Variants in PTCD3 observed in about 807,000 individuals in gnomAD.
The protein encoded by PTCD3 is pentatricopeptide repeat domain 3.
PTCD3 carries 89 observed loss-of-function variants against 101.9 expected under a neutral mutation model. The observed-to-expected ratio is 0.87, with a 90% CI of 0.74 to 1.04. The LOEUF (loss-of-function observed/expected upper bound fraction) is 1.04, where lower values mean the gene tolerates loss of function less well. PTCD3 is among the 50% of genes least tolerant of loss of function. PTCD3 has a pLI of 0.00. For missense variants in PTCD3, 870 were observed against 828.2 expected (o/e 1.05, Z -0.62); for synonymous variants, 296 against 278.5 (o/e 1.06, Z -0.63).
chr2:86,137,633 A>G lies in PTCD3; in HGVS notation c.*74A>G. ...CACACCTGAGAACTGAGATATACCAATATTTAACATTGTTACAAAGAAGAA... is the reference window on the plus strand; with the variant it reads ...CACACCTGAGAACTGAGATATACCAGTATTTAACATTGTTACAAAGAAGAA... On this transcript the variant is annotated 3_prime_UTR_variant, in exon 24 of 24. Coordinates refer to ENST00000254630, the MANE Select transcript of PTCD3 (RefSeq NM_017952.6). 1 of 1,586,920 alleles carries G rather than the reference A, an allele frequency of 6.3e-7. No homozygotes were observed. The highest frequency in any genetic ancestry group is 8.6e-7 in the Non-Finnish European group (1 of 1,165,872).
Position 86,111,138 on chromosome 2 carries a change from C to CT in PTCD3, c.222dup (p.Ala75CysfsTer18). 1 of 1,613,646 alleles carries CT rather than the reference C, an allele frequency of 6.2e-7. No individual in the cohort carries two copies. Among genetic ancestry groups the CT allele is most frequent in the Non-Finnish European group, 8.5e-7 (1 of 1,179,634 alleles). ...GGATAAAGTAGCCGTTCTTCAGGCA[C>CT]TTGCATCCACAGTAAACAGGGTAAG... On this transcript the variant is annotated frameshift_variant, in exon 4 of 24. Transcript: ENST00000254630. LOFTEE classifies it high-confidence loss of function.
intron 8 of PTCD3, among the ~76,000 whole-genome samples, chr2:86,122,600 C>T (rs1365686050): frequency 8.7e-6 from 1 of 114,532 alleles, no homozygotes; most frequent in Admixed American, 9.0e-5. Context: ...GTGGGGAGGG[C>T]GGGTAGACAT....
At chr2:86,135,064 G>C in intron 21 of PTCD3, 77 bp downstream of exon 21, 1 of 1,470,634 alleles carries the variant, frequency 6.8e-7, no homozygotes. Context: ...GCTGGTAGAG[G>C]TTCTTTCATT....
At chr2:86,114,061 T>C (rs756991674) in intron 4 of PTCD3, among the ~76,000 whole-genome samples, 3 of 152,002 alleles carry the variant, frequency 2.0e-5, no homozygotes, top group Non-Finnish European at 2.9e-5. Context: ...TCAAAGAAGT[T>C]ATAGAATTGT....
At chr2:86,107,317 T>C in intron 1 of PTCD3, 1 of 431,194 alleles carries the variant, frequency 2.3e-6, no homozygotes, top group South Asian at 1.7e-5. Context: ...AAACAAATAG[T>C]GTGACTTGAA....
rs756480444 is a variant in PTCD3, at chr2:86,108,415, A to C, written c.157+13A>C. 4.4e-6 allele frequency: 7 copies of C among 1,599,136 alleles called. No individual in the cohort carries two copies. The highest frequency in any genetic ancestry group is 6.0e-6 in the Non-Finnish European group (7 of 1,174,784). On this transcript the variant is annotated intron_variant, in intron 2 of 23. Transcript: ENST00000254630. Reference sequence around the variant, plus strand: ...ACTGATGTAACAGGTATATTTTAAAATATATTGAATTCTATTTTTATATCA... The same window carrying C: ...ACTGATGTAACAGGTATATTTTAAACTATATTGAATTCTATTTTTATATCA...
intron 4 of PTCD3, among the ~76,000 whole-genome samples, chr2:86,113,571 C>G (rs1158866650): frequency 1.3e-5 from 2 of 152,036 alleles, no homozygotes; most frequent in Non-Finnish European, 2.9e-5. Context: ...TTTGGGAGGT[C>G]AAGGCGGGTG....
chr2:86,136,721 T>G (rs974389043), intron 22 of PTCD3, 159 bp downstream of exon 22: 139 of 899,274 alleles, frequency 1.5e-4, no homozygotes, highest in Non-Finnish European at 2.4e-4. Context: ...AAGCAGTTTT[T>G]TATCTGTGTT....
intron 10 of PTCD3, 69 bp from the exon 11 acceptor site, chr2:86,125,385 TC>T: frequency 6.7e-7 from 1 of 1,487,200 alleles, no homozygotes; most frequent in Non-Finnish European, 9.4e-7. Flanking sequence ...ATTACCAAAC[TC>T]TAGGACAGAA....
chr2:86,123,568 C>T (rs1674332871), intron 8 of PTCD3, 133 bp from the exon 9 acceptor site: 4 of 639,900 alleles, frequency 6.3e-6, no homozygotes, highest in Non-Finnish European at 1.0e-5. Context: ...TGGGCTTCCT[C>T]TTTGCCTTCT....
rs1330726969 is a variant in PTCD3, at chr2:86,141,906, G to C, written c.*4347G>C. 1.3e-5 allele frequency: 2 copies of C among 152,240 alleles called. No individual in the cohort carries two copies. The highest frequency in any genetic ancestry group is 6.5e-5 in the Admixed American group (1 of 15,286). The allele number at this position is 152,240 out of a possible 1,614,324, so 9.4% of individuals were successfully genotyped here. On this transcript the variant is annotated 3_prime_UTR_variant, in exon 24 of 24. Coordinates refer to ENST00000254630, the MANE Select transcript of PTCD3 (RefSeq NM_017952.6). Reference sequence around the variant, plus strand: ...GGGACTCCATCATCTCCTTGAAGTAGCACTGAGAATCCAAGAAGAGGCTCC... The same window carrying C: ...GGGACTCCATCATCTCCTTGAAGTACCACTGAGAATCCAAGAAGAGGCTCC...
At position 86,128,011 on chromosome 2, in the gene PTCD3, G is replaced by T. The variant is rs371448309; in HGVS notation, c.1147+20G>T. ...AACCTGGTATGTATGGCCTTAAATT[G>T]TGTTAATTTATATAGAAAATTGACC... On this transcript the variant is annotated intron_variant, in intron 14 of 23. Coordinates refer to ENST00000254630, the MANE Select transcript of PTCD3 (RefSeq NM_017952.6). 25 of 1,565,770 alleles carry T rather than the reference G, an allele frequency of 1.6e-5. No individual in the cohort carries two copies. Among genetic ancestry groups the T allele is most frequent in the Non-Finnish European group, 1.9e-5 (22 of 1,137,276 alleles).
At chr2:86,131,383 G>A (rs1284204834) in intron 16 of PTCD3, among the ~76,000 whole-genome samples, 2 of 151,962 alleles carry the variant, frequency 1.3e-5, no homozygotes, top group Non-Finnish European at 1.5e-5. Context: ...ACAGGTGTGC[G>A]CCACCACACC....
intron 4 of PTCD3, among the ~76,000 whole-genome samples, chr2:86,111,600 AT>A (rs1674085244): frequency 6.6e-6 from 1 of 151,906 alleles, no homozygotes; most frequent in Admixed American, 6.6e-5. Context: ...AAAAAAAAAA[AT>A]TGTCTAATCC....
intron 4 of PTCD3, among the ~76,000 whole-genome samples, chr2:86,115,297 G>A (rs770867232): frequency 2.0e-5 from 3 of 152,112 alleles, no homozygotes; most frequent in African/African-American, 4.8e-5. Context: ...GGTTATTGTC[G>A]TCTTACAAGT....
At chr2:86,113,848 T>A (rs1211798349) in intron 4 of PTCD3, among the ~76,000 whole-genome samples, 2 of 152,128 alleles carry the variant, frequency 1.3e-5, no homozygotes, top group East Asian at 3.8e-4. Flanking sequence ...ATGGAGCTAC[T>A]AAAGATAGTG....
intron 14 of PTCD3, among the ~76,000 whole-genome samples, chr2:86,129,036 G>C (rs1674448305): frequency 6.6e-6 from 1 of 152,068 alleles, no homozygotes; most frequent in South Asian, 2.1e-4. Flanking sequence ...CTCTGGTTTG[G>C]AGGACTAATT....
rs1290720477 is a variant in PTCD3 at position 86,128,362 on chromosome 2, G to T, written c.1147+371G>T. Among the ~76,000 whole-genome samples the T allele has an allele frequency of 2.6e-5, 4 of 152,000 alleles. No homozygotes were observed. The South Asian group carries it at 8.3e-4, about 32-fold the overall frequency. ...TAAAACTTGAGCTGGAGGGGAGAGGGTTATGGATTGTACTGGCAGTGATGT... is the reference window on the plus strand; with the variant it reads ...TAAAACTTGAGCTGGAGGGGAGAGGTTTATGGATTGTACTGGCAGTGATGT... On this transcript the variant is annotated intron_variant, in intron 14 of 23. Coordinates refer to ENST00000254630, the MANE Select transcript of PTCD3 (RefSeq NM_017952.6).
In PTCD3 at chr2:86,140,437, C is replaced by G. The variant is rs1202723307; in HGVS notation, c.*2878C>G. ...AATGAAATGCATTAGAACATCTAAGCACGTCACCTACAGTTTTGTGATGGT... is the reference window on the plus strand; with the variant it reads ...AATGAAATGCATTAGAACATCTAAGGACGTCACCTACAGTTTTGTGATGGT... On this transcript the variant is annotated 3_prime_UTR_variant, in exon 24 of 24. Coordinates refer to ENST00000254630, the MANE Select transcript of PTCD3 (RefSeq NM_017952.6). 6.6e-6 allele frequency: 1 copy of G among 152,112 alleles called. No individual in the cohort carries two copies. 9.4% of individuals were successfully genotyped at this position (152,112 alleles called of 1,614,324 possible). A position where few individuals can be genotyped will look rare whatever the true frequency, so the allele number is the denominator to read the frequency against.
Sources: gnomAD v4.1 joint callset for allele counts (sites outside exome capture counted in the v4.1 genomes callset) on GRCh38, gnomAD v4.1.1 for gene constraint, MANE v1.5 for transcripts, NCBI Gene and HGNC (gene_info 2026-07-23, HGNC 2026-07-21) for gene names.